Variants in CDK6 observed in about 807,000 individuals in gnomAD.
CDK6 encodes the protein cyclin dependent kinase 6.
A neutral mutation model predicts 37.1 loss-of-function variants in CDK6; 6 were observed. That is an observed-to-expected ratio of 0.16 (90% CI 0.09 to 0.32). The LOEUF is 0.32. CDK6 is among the 10% of genes least tolerant of loss of function. The pLI, the probability that CDK6 is intolerant of heterozygous loss-of-function variation, is 1.00. For synonymous variants in CDK6, 160 were observed against 161.3 expected, an observed-to-expected ratio of 0.99 and a Z score of 0.06; for missense variants, 224 against 418.9, an observed-to-expected ratio of 0.53 and a Z score of 4.06.
At chr7:92,672,160 T>TATATACAC (rs1210519115) in intron 4 of CDK6, among the ~76,000 whole-genome samples, 60 of 79,054 alleles carry the variant, frequency 7.6e-4, no homozygotes, top group East Asian at 1.6e-3. Context: ...TATATATATA[T>TATATACAC]ACACATACAC....
chr7:92,796,784 T>A (rs1423046791), intron 2 of CDK6, among the ~76,000 whole-genome samples: 1 of 152,160 alleles, frequency 6.6e-6, no homozygotes, highest in Non-Finnish European at 1.5e-5. Context: ...AAACTTTTTT[T>A]TAAATACCAC....
chr7:92,661,127 G>A (rs1455443402), intron 5 of CDK6, among the ~76,000 whole-genome samples: 1 of 152,164 alleles, frequency 6.6e-6, no homozygotes, highest in Admixed American at 6.5e-5. Context: ...CAAATGAAAT[G>A]AGAATGGAGA....
intron 5 of CDK6, among the ~76,000 whole-genome samples, chr7:92,632,933 C>CT (rs397889657): frequency 0.012 from 1,320 of 108,764 alleles, 13 homozygotes; most frequent in African/African-American, 0.023. Flanking sequence ...CTCTAAAGAT[C>CT]TTTTTTTTTT....
intron 2 of CDK6, among the ~76,000 whole-genome samples, chr7:92,815,528 T>C (rs143124649): frequency 1.4e-4 from 21 of 152,252 alleles, no homozygotes; most frequent in African/African-American, 4.8e-4. Context: ...CTATAGGTAG[T>C]AGAGGACTGT....
intron 3 of CDK6, among the ~76,000 whole-genome samples, chr7:92,772,610 C>T (rs1239204164): frequency 6.6e-6 from 1 of 152,130 alleles, no homozygotes; most frequent in African/African-American, 2.4e-5. Flanking sequence ...TCTAGCAAGC[C>T]TCCAGCTCCA....
intron 2 of CDK6, among the ~76,000 whole-genome samples, chr7:92,813,591 G>A (rs1224465839): frequency 1.3e-5 from 2 of 152,194 alleles, no homozygotes; most frequent in Admixed American, 6.5e-5. Context: ...AAAAAATAGC[G>A]ATAGAATTGT....
chr7:92,687,772 A>G (rs753377220), intron 4 of CDK6, among the ~76,000 whole-genome samples: 1 of 152,224 alleles, frequency 6.6e-6, no homozygotes, highest in Non-Finnish European at 1.5e-5. Flanking sequence ...TAGAATACTT[A>G]CATCACCATC....
chr7:92,825,789 C>T (rs534331592), intron 2 of CDK6, among the ~76,000 whole-genome samples: 1 of 152,294 alleles, frequency 6.6e-6, no homozygotes, highest in African/African-American at 2.4e-5. Flanking sequence ...TACTTTCTTA[C>T]ATTTGAAATG....
intron 3 of CDK6, among the ~76,000 whole-genome samples, chr7:92,736,894 A>G (rs1798801867): frequency 1.3e-5 from 2 of 152,350 alleles, no homozygotes; most frequent in South Asian, 2.1e-4. Context: ...AAGCAATTCA[A>G]GAGACAAATG....
At chr7:92,734,326 C>G (rs1184043894) in intron 3 of CDK6, among the ~76,000 whole-genome samples, 1 of 152,128 alleles carries the variant, frequency 6.6e-6, no homozygotes, top group Non-Finnish European at 1.5e-5. Flanking sequence ...TCCTCAAATC[C>G]ATCTTGTACT....
chr7:92,668,879 C>A (rs1394211244), intron 5 of CDK6, among the ~76,000 whole-genome samples: 2 of 152,198 alleles, frequency 1.3e-5, no homozygotes, highest in Admixed American at 1.3e-4. Context: ...CTCCTTTCAG[C>A]CTTAAAGGCA....
intron 2 of CDK6, among the ~76,000 whole-genome samples, chr7:92,825,604 G>A (rs550024533): frequency 1.2e-4 from 18 of 152,250 alleles, no homozygotes; most frequent in Non-Finnish European, 2.4e-4. Flanking sequence ...TTATGAAGAG[G>A]AGTAGAAGAC....
intron 4 of CDK6, among the ~76,000 whole-genome samples, chr7:92,701,248 G>A (rs1228625011): frequency 6.6e-6 from 1 of 152,214 alleles, no homozygotes; most frequent in African/African-American, 2.4e-5. Context: ...AGACTCAGAA[G>A]TGAAGATGAG....
chr7:92,695,906 T>G (rs1342050496), intron 4 of CDK6, among the ~76,000 whole-genome samples: 1 of 152,252 alleles, frequency 6.6e-6, no homozygotes, highest in Non-Finnish European at 1.5e-5. Context: ...GAAATACCTT[T>G]CTTTGAAGGA....
At chr7:92,694,640 T>C (rs1013281598) in intron 4 of CDK6, among the ~76,000 whole-genome samples, 2 of 152,224 alleles carry the variant, frequency 1.3e-5, no homozygotes, top group Non-Finnish European at 1.5e-5. Flanking sequence ...AGAACAATCA[T>C]GTCTGCATGT....
chr7:92,616,012 C>T (rs1795669485), intron 7 of CDK6, among the ~76,000 whole-genome samples: 1 of 152,028 alleles, frequency 6.6e-6, no homozygotes, highest in African/African-American at 2.4e-5. Context: ...TCAAATCCTC[C>T]TCCTCTCCTT....
intron 4 of CDK6, among the ~76,000 whole-genome samples, chr7:92,678,448 G>A (rs961685611): frequency 5.9e-5 from 9 of 152,138 alleles, no homozygotes; most frequent in Non-Finnish European, 1.0e-4. Context: ...GCAGGGGGGA[G>A]TTCAAGGATA....
chr7:92,694,668 G>C (rs1797668984), intron 4 of CDK6, among the ~76,000 whole-genome samples: 1 of 152,188 alleles, frequency 6.6e-6, no homozygotes, highest in African/African-American at 2.4e-5. Flanking sequence ...CATGGGAGAG[G>C]CTGTTGTCTG....
At chr7:92,643,532 G>C (rs900839406) in intron 5 of CDK6, among the ~76,000 whole-genome samples, 1 of 152,202 alleles carries the variant, frequency 6.6e-6, no homozygotes, top group Non-Finnish European at 1.5e-5. Flanking sequence ...AATAAGATAT[G>C]CTGGTGGAGA....
Sources: gnomAD v4.1 joint callset for allele counts (sites outside exome capture counted in the v4.1 genomes callset) on GRCh38, gnomAD v4.1.1 for gene constraint, MANE v1.5 for transcripts, NCBI Gene and HGNC (gene_info 2026-07-23, HGNC 2026-07-21) for gene names.